Variants in ASIC2 observed in about 807,000 individuals in gnomAD.
ASIC2 encodes the protein acid-sensing ion channel 2.
A neutral mutation model predicts 57.3 loss-of-function variants in ASIC2; 25 were observed. The ratio of observed to expected loss-of-function variants is 0.44; its 90% CI spans 0.32 to 0.61. The LOEUF (loss-of-function observed/expected upper bound fraction) is 0.61, where lower values mean the gene tolerates loss of function less well. Ranked by LOEUF, ASIC2 falls within the 20% of genes least tolerant of loss-of-function variation. The pLI is 0.06. For synonymous variants in ASIC2, 319 were observed against 307.5 expected (o/e 1.04, Z -0.39); for missense variants, 641 against 738.1 (o/e 0.87, Z 1.52).
At chr17:34,090,657 G>A (rs541960686) in intron 1 of ASIC2, among the ~76,000 whole-genome samples, 2 of 152,274 alleles carry the variant, frequency 1.3e-5, no homozygotes, top group African/African-American at 4.8e-5. Context: ...AGTACTTAAG[G>A]TGGACTAAGA....
intron 1 of ASIC2, among the ~76,000 whole-genome samples, chr17:33,803,368 T>C (rs900116879): frequency 3.1e-4 from 47 of 151,760 alleles, no homozygotes; most frequent in African/African-American, 9.9e-4. Flanking sequence ...GGGGGTTTGG[T>C]TGGGGGAGAG....
chr17:34,029,010 A>G (rs759497010), intron 1 of ASIC2, among the ~76,000 whole-genome samples: 3 of 152,138 alleles, frequency 2.0e-5, no homozygotes, highest in Non-Finnish European at 2.9e-5. Context: ...AGCTCCATCA[A>G]CTTCTCAAAG....
At chr17:33,892,847 T>C (rs1447180742) in intron 1 of ASIC2, among the ~76,000 whole-genome samples, 4 of 152,124 alleles carry the variant, frequency 2.6e-5, no homozygotes, top group African/African-American at 9.7e-5. Context: ...GCTCCGCTGG[T>C]GACCTGAATA....
At chr17:33,067,984 G>C (rs1213936544) in intron 3 of ASIC2, among the ~76,000 whole-genome samples, 23 of 152,184 alleles carry the variant, frequency 1.5e-4, no homozygotes, top group Admixed American at 1.4e-3. Flanking sequence ...GCTCTGGAGA[G>C]AGAGGGCTCC....
intron 1 of ASIC2, among the ~76,000 whole-genome samples, chr17:33,848,119 C>T (rs1036444550): frequency 1.3e-5 from 2 of 152,194 alleles, no homozygotes; most frequent in Non-Finnish European, 2.9e-5. Flanking sequence ...GCATTACACG[C>T]TCTGCCTTTC....
chr17:33,055,070 C>T (rs1326681583), intron 3 of ASIC2, among the ~76,000 whole-genome samples: 1 of 152,174 alleles, frequency 6.6e-6, no homozygotes. Flanking sequence ...GGTGGTTTAC[C>T]CCTTTCCCAG....
At chr17:33,786,590 A>G (rs1057158053) in intron 1 of ASIC2, among the ~76,000 whole-genome samples, 1 of 152,208 alleles carries the variant, frequency 6.6e-6, no homozygotes, top group African/African-American at 2.4e-5. Context: ...ATTTCATTTT[A>G]TGAAAATTCA....
chr17:33,297,863 TA>T (rs1905783151), upstream of ASIC2, among the ~76,000 whole-genome samples: 1 of 142,920 alleles, frequency 7.0e-6, no homozygotes, highest in South Asian at 2.2e-4. Context: ...AATAAATAAA[TA>T]AATAATAAAG....
At chr17:33,281,898 C>T (rs530215327) in intron 1 of ASIC2, among the ~76,000 whole-genome samples, 4 of 152,322 alleles carry the variant, frequency 2.6e-5, no homozygotes, top group East Asian at 1.9e-4. Flanking sequence ...TTGAGTCTGT[C>T]GACTCCTGAG....
chr17:33,291,058 C>T (rs964867349), intron 1 of ASIC2: 2 of 254,324 alleles, frequency 7.9e-6, no homozygotes, highest in Non-Finnish European at 1.5e-5. Flanking sequence ...AGAGCAGTTT[C>T]TTGGAGTCCT....
chr17:33,943,277 A>G (rs1446416765), intron 1 of ASIC2, among the ~76,000 whole-genome samples: 4 of 152,238 alleles, frequency 2.6e-5, no homozygotes, highest in Non-Finnish European at 2.9e-5. Flanking sequence ...ATTGTAATGG[A>G]GAAACCGCAG....
At chr17:33,321,686 G>A (rs780920275) in intron 1 of ASIC2, among the ~76,000 whole-genome samples, 7 of 152,106 alleles carry the variant, frequency 4.6e-5, no homozygotes, top group Non-Finnish European at 8.8e-5. Context: ...AGTCATCAGA[G>A]GAAACAGGTT....
intron 1 of ASIC2, among the ~76,000 whole-genome samples, chr17:33,390,054 T>C (rs947388266): frequency 3.9e-5 from 6 of 152,094 alleles, no homozygotes; most frequent in African/African-American, 1.4e-4. Flanking sequence ...GGTTCACGTC[T>C]GTAATTCCAG....
chr17:33,696,535 G>C (rs1908535357), intron 1 of ASIC2, among the ~76,000 whole-genome samples: 1 of 152,166 alleles, frequency 6.6e-6, no homozygotes, highest in African/African-American at 2.4e-5. Flanking sequence ...TAGAGTTATA[G>C]AACACATGAC....
intron 1 of ASIC2, among the ~76,000 whole-genome samples, chr17:33,445,071 T>C (rs117989764): frequency 0.012 from 1,784 of 152,286 alleles, 51 homozygotes; most frequent in East Asian, 0.094. Context: ...TTCCAACCCC[T>C]GTTTTAAATG....
chr17:33,895,383 G>A (rs1381766345), intron 1 of ASIC2, among the ~76,000 whole-genome samples: 4 of 151,964 alleles, frequency 2.6e-5, no homozygotes, highest in Admixed American at 6.6e-5. Flanking sequence ...GGTTGGTCTC[G>A]AACTCCTGAC....
At chr17:33,109,565 C>T (rs2092248423) in intron 2 of ASIC2, among the ~76,000 whole-genome samples, 1 of 152,212 alleles carries the variant, frequency 6.6e-6, no homozygotes, top group Admixed American at 6.5e-5. Context: ...CTGGAGTTCT[C>T]TTGCAGAAAC....
intron 1 of ASIC2, among the ~76,000 whole-genome samples, chr17:33,374,183 A>G (rs1332214299): frequency 1.3e-5 from 2 of 151,860 alleles, no homozygotes; most frequent in African/African-American, 4.8e-5. Flanking sequence ...TTTAGTAGAG[A>G]CAGGGTTTCA....
chr17:33,497,794 T>C (rs1384614168), intron 1 of ASIC2, among the ~76,000 whole-genome samples: 1 of 152,234 alleles, frequency 6.6e-6, no homozygotes, highest in Non-Finnish European at 1.5e-5. Flanking sequence ...TTAAGTCACT[T>C]GCCTAAGGCC....
Sources: gnomAD v4.1 joint callset for allele counts (sites outside exome capture counted in the v4.1 genomes callset) on GRCh38, gnomAD v4.1.1 for gene constraint, MANE v1.5 for transcripts, NCBI Gene and HGNC (gene_info 2026-07-23, HGNC 2026-07-21) for gene names.